Variants in SCUBE3 observed in about 807,000 individuals in gnomAD.
SCUBE3 encodes the protein signal peptide, CUB domain and EGF like domain containing 3.
A neutral mutation model predicts 116.8 loss-of-function variants in SCUBE3; 33 were observed. The ratio of observed to expected loss-of-function variants is 0.28; its 90% confidence interval spans 0.21 to 0.38. The LOEUF (loss-of-function observed/expected upper bound fraction) is 0.38, where lower values mean the gene tolerates loss of function less well. Among genes scored for constraint, SCUBE3 ranks in the 10% least tolerant of loss-of-function variants. The pLI, the probability that SCUBE3 is intolerant of heterozygous loss-of-function variation, is 1.00. For synonymous variants in SCUBE3, 418 were observed against 496.9 expected (o/e 0.84, Z 2.11); for missense variants, 1,007 against 1,324.8 (o/e 0.76, Z 3.72).
chr6:35,232,751 A>C lies in SCUBE3; in HGVS notation c.470-99A>C. 8.2e-7 allele frequency: 1 copy of C among 1,225,174 alleles called. No homozygotes were observed. Among genetic ancestry groups the C allele is most frequent in the Non-Finnish European group, 1.2e-6 (1 of 847,268 alleles). The allele number at this position is 1,225,174 out of a possible 1,614,324, so 75.9% of individuals were successfully genotyped here. A position where few individuals can be genotyped will look rare whatever the true frequency, so the allele number is the denominator to read the frequency against. Reference sequence around the variant, plus strand: ...CTCGTGTTGAATTCAACCTCAGTAGAATTCTCCCAGTTCCCTAGGTCCCCA... The same window carrying C: ...CTCGTGTTGAATTCAACCTCAGTAGCATTCTCCCAGTTCCCTAGGTCCCCA... On this transcript the variant is annotated intron_variant, in intron 4 of 21. Coordinates refer to ENST00000274938, the MANE Select transcript of SCUBE3 (RefSeq NM_152753.4). The surrounding 1 kb of genome is among the most constrained non-coding windows in gnomAD (Gnocchi z 4.2).
intron 6 of SCUBE3, among the ~76,000 whole-genome samples, chr6:35,236,324 T>C (rs950841402): frequency 3.3e-5 from 5 of 152,242 alleles, no homozygotes; most frequent in African/African-American, 1.2e-4. Flanking sequence ...CAGCCTGGGA[T>C]GGACATTGTG....
In SCUBE3 at chr6:35,233,026, T is replaced by TA; in HGVS notation, c.595+52dup. 2 of 1,604,252 alleles carry TA rather than the reference T, an allele frequency of 1.2e-6. No homozygotes were observed. The highest frequency in any genetic ancestry group is 1.7e-6 in the Non-Finnish European group (2 of 1,173,098). ...GGCAGTGGGGTCGGGGGTGAAAACA[T>TA]AGAGGAAGGGTATAGGGCTTCAGGA... is the stretch of plus-strand genomic sequence containing the variant. On this transcript the variant is annotated intron_variant, in intron 5 of 21. Coordinates refer to ENST00000274938, the MANE Select transcript of SCUBE3 (RefSeq NM_152753.4). This position sits in a 1 kb window ranked among gnomAD's most constrained non-coding sequence, Gnocchi z 5.7.
At position 35,214,546 on chromosome 6, in the gene SCUBE3, C is replaced by T. The variant is rs1782810478; in HGVS notation, c.85+43C>T. 3 of 1,318,544 alleles carry T rather than the reference C, an allele frequency of 2.3e-6. No individual in the cohort carries two copies. Among genetic ancestry groups the T allele is most frequent in the African/African-American group, 1.5e-5 (1 of 65,712 alleles). 81.7% of individuals were successfully genotyped at this position (1,318,544 alleles called of 1,614,324 possible). A position where few individuals can be genotyped will look rare whatever the true frequency, so the allele number is the denominator to read the frequency against. ...CGCGGCCTGGGGGCTGTCCTGGCTG[C>T]TGGGCCTCAGGGCCTAGGAGCGATT... On this transcript the variant is annotated intron_variant, in intron 1 of 21. Coordinates refer to ENST00000274938, the MANE Select transcript of SCUBE3 (RefSeq NM_152753.4). The surrounding 1 kb of genome is among the most constrained non-coding windows in gnomAD (Gnocchi z 6.3).
rs1186101222 is a variant in SCUBE3 at position 35,245,533 on chromosome 6, AT to A, written c.2599+109del. 3.3e-6 allele frequency: 3 copies of A among 908,094 alleles called. No individual in the cohort carries two copies. Among genetic ancestry groups the A allele is most frequent in the Non-Finnish European group, 5.3e-6 (3 of 568,014 alleles). 56.3% of individuals were successfully genotyped at this position (908,094 alleles called of 1,614,324 possible). On this transcript the variant is annotated intron_variant, in intron 19 of 21. Transcript: ENST00000274938. The surrounding 1 kb of genome is among the most constrained non-coding windows in gnomAD (Gnocchi z 4.2). ...AAGAAATGGGGCAGTGAAGTTAGGG[AT>A]CTATGAGGGTGAAATAGTGAGAGGC...
rs1455094217 is a variant in SCUBE3 at position 35,243,976 on chromosome 6, T to A, written c.2085T>A (p.Pro695=). 6.2e-7 allele frequency: 1 copy of A among 1,613,908 alleles called. No individual in the cohort carries two copies. The highest frequency in any genetic ancestry group is 1.7e-5 in the Admixed American group (1 of 59,992). ...NVTTCAGQCP[P]GQHSVDGFKP... ...GATTCATTGCAGGTCAGTGCCCACC[T>A]GGCCAACACTCTGTAGATGGGTTCA... Residue 695 remains proline, a synonymous_variant, in exon 17 of 22, where the codon CCT becomes CCA. Transcript: ENST00000274938. This position sits in a 1 kb window ranked among gnomAD's most constrained non-coding sequence, Gnocchi z 6.6.
In SCUBE3 at chr6:35,243,672, G is replaced by A. The variant is rs776137845; in HGVS notation, c.1988G>A (p.Arg663Lys). Residue 663 changes from arginine (R) to lysine (K), a missense_variant, in exon 16 of 22, where the codon AGA becomes AAA. Arg to Lys is a conservative substitution (Grantham distance 26, BLOSUM62 2). Coordinates refer to ENST00000274938, the MANE Select transcript of SCUBE3 (RefSeq NM_152753.4). The surrounding 1 kb of genome is among the most constrained non-coding windows in gnomAD (Gnocchi z 6.6). ...VPCPAGTFQEREGQLSCDLCP... is the reference protein window; with the variant it reads ...VPCPAGTFQEKEGQLSCDLCP... ...TGCCCAGCGGGCACCTTCCAGGAGA[G>A]AGAAGGGCAGCTCTCCTGCGACCTT... 1 of 1,614,108 alleles carries A rather than the reference G, an allele frequency of 6.2e-7. No homozygotes were observed. The highest frequency in any genetic ancestry group is 1.3e-5 in the African/African-American group (1 of 75,038).
At chr6:35,227,789 C>T in intron 2 of SCUBE3, 87 bp downstream of exon 2, 1 of 1,366,622 alleles carries the variant, frequency 7.3e-7, no homozygotes, top group Non-Finnish European at 1.0e-6. Context: ...CTCTCCATCA[C>T]ATCAAGGCTA....
intron 1 of SCUBE3, chr6:35,222,024 C>T (rs1481023619): frequency 2.0e-5 from 3 of 152,240 alleles, no homozygotes; most frequent in African/African-American, 4.8e-5. Flanking sequence ...CTGAGGATGT[C>T]ACAGCTATGT....
At position 35,243,641 on chromosome 6, in the gene SCUBE3, G is replaced by T. The variant is rs769334646; in HGVS notation, c.1957G>T (p.Val653Leu). Residue 653 changes from valine to leucine, a missense_variant, in exon 16 of 22, where the codon GTG (valine) becomes TTG (leucine). Transcript: ENST00000274938. The surrounding 1 kb of genome is among the most constrained non-coding windows in gnomAD (Gnocchi z 6.6). ...TTACCACGGCCAGACGGAGCAGTGT[G>T]TGCCATGCCCAGCGGGCACCTTCCA... Reference protein sequence around the residue: ...TYYHGQTEQCVPCPAGTFQER... With the variant: ...TYYHGQTEQCLPCPAGTFQER... The T allele has an allele frequency of 6.2e-7, 1 of 1,614,042 alleles. No homozygotes were observed. The highest frequency in any genetic ancestry group is 8.5e-7 in the Non-Finnish European group (1 of 1,180,018).
chr6:35,231,614 C>A lies in SCUBE3; in HGVS notation c.335-111C>A. On this transcript the variant is annotated intron_variant, in intron 3 of 21. Coordinates refer to ENST00000274938, the MANE Select transcript of SCUBE3 (RefSeq NM_152753.4). The surrounding 1 kb of genome is among the most constrained non-coding windows in gnomAD (Gnocchi z 4.2). The stretch of plus-strand genomic sequence containing the variant: ...GGTGTGAGGACTTCCTGGCTTAAGG[C>A]TGGGCTTAGGGGGTAGTAGTTCTTA... 2 of 907,670 alleles carry A rather than the reference C, an allele frequency of 2.2e-6. No individual in the cohort carries two copies. Among genetic ancestry groups the A allele is most frequent in the Non-Finnish European group, 3.1e-6 (2 of 635,730 alleles). The allele number at this position is 907,670 out of a possible 1,614,324, so 56.2% of individuals were successfully genotyped here.
rs1784214341 is a variant in SCUBE3 at position 35,244,000 on chromosome 6, C to T, written c.2109C>T (p.Phe703=). The T allele has an allele frequency of 6.2e-7, 1 of 1,614,098 alleles. No homozygotes were observed. The highest frequency in any genetic ancestry group is 1.3e-5 in the African/African-American group (1 of 75,028). Residue 703 remains phenylalanine, a synonymous_variant, in exon 17 of 22, where the codon TTC becomes TTT. Coordinates refer to ENST00000274938, the MANE Select transcript of SCUBE3 (RefSeq NM_152753.4). This position sits in a 1 kb window ranked among gnomAD's most constrained non-coding sequence, Gnocchi z 6.6. ...CTGGCCAACACTCTGTAGATGGGTT[C>T]AAGCCCTGTCAGCCATGCCCACGTG... ...CPPGQHSVDG[F]KPCQPCPRGT... is the part of the protein sequence containing the mutation.
rs1014007263 is a variant in SCUBE3 at position 35,219,464 on chromosome 6, C to T, written c.85+4961C>T. 1.2e-4 allele frequency among the ~76,000 whole-genome samples: 19 copies of T among 152,154 alleles called. No homozygotes were observed. The highest frequency in any genetic ancestry group is 4.3e-4 in the African/African-American group (18 of 41,420). On this transcript the variant is annotated intron_variant, in intron 1 of 21. Coordinates refer to ENST00000274938, the MANE Select transcript of SCUBE3 (RefSeq NM_152753.4). This position sits in a 1 kb window ranked among gnomAD's most constrained non-coding sequence, Gnocchi z 4.7. ...GGGATGATGACCCCTATATAGGGCA[C>T]AGTGGTCCTTGCTCTTACCTCTGGT...
At position 35,243,778 on chromosome 6, in the gene SCUBE3, A is replaced by G. The variant is rs1784199703; in HGVS notation, c.2071+23A>G. Reference sequence around the variant, plus strand: ...CAGGTGCCAGGGGAACAAACAATACAGAGTGGGGTAGGGTGGGCACTGGGA... The same window carrying G: ...CAGGTGCCAGGGGAACAAACAATACGGAGTGGGGTAGGGTGGGCACTGGGA... On this transcript the variant is annotated intron_variant, in intron 16 of 21. Transcript: ENST00000274938. This position sits in a 1 kb window ranked among gnomAD's most constrained non-coding sequence, Gnocchi z 6.6. 4 of 1,606,414 alleles carry G rather than the reference A, an allele frequency of 2.5e-6. No individual in the cohort carries two copies. The highest frequency in any genetic ancestry group is 2.2e-5 in the South Asian group (2 of 90,742).
intron 1 of SCUBE3, among the ~76,000 whole-genome samples, chr6:35,216,270 A>G (rs1220053904): frequency 1.3e-5 from 2 of 152,202 alleles, no homozygotes; most frequent in Non-Finnish European, 2.9e-5. Context: ...CAGGGCTTCC[A>G]CTTTCATTGG....
intron 1 of SCUBE3, among the ~76,000 whole-genome samples, chr6:35,226,772 C>T (rs1783346103): frequency 6.6e-6 from 1 of 152,182 alleles, no homozygotes; most frequent in Non-Finnish European, 1.5e-5. Flanking sequence ...GCCACCGCGC[C>T]TGGCATCATC....
Position 35,242,186 on chromosome 6 carries a change from T to G in SCUBE3, c.1418-18T>G. On this transcript the variant is annotated intron_variant, in intron 12 of 21. Transcript: ENST00000274938. ...CATGGGCATCCCATACTGTGCTGAG[T>G]TTCTACCATCCCTCTAGAGGCTGCA... 6.3e-7 allele frequency: 1 copy of G among 1,580,426 alleles called. No individual in the cohort carries two copies. Among genetic ancestry groups the G allele is most frequent in the Non-Finnish European group, 8.7e-7 (1 of 1,149,616 alleles).
chr6:35,247,192 T>TG (rs893806960), intron 21 of SCUBE3, among the ~76,000 whole-genome samples: 1 of 152,040 alleles, frequency 6.6e-6, no homozygotes, highest in Admixed American at 6.6e-5. Context: ...CCCAGCACTT[T>TG]GGGGGGCTGA....
At position 35,239,603 on chromosome 6, in the gene SCUBE3, A is replaced by C. The variant is rs1783943252; in HGVS notation, c.830-149A>C. ...AAGAGAGAGAGAGACAGGAAAGAGA[A>C]AGAGAAAGAGACAGAGAGAGATCAA... On this transcript the variant is annotated intron_variant, in intron 7 of 21. Coordinates refer to ENST00000274938, the MANE Select transcript of SCUBE3 (RefSeq NM_152753.4). This position sits in a 1 kb window ranked among gnomAD's most constrained non-coding sequence, Gnocchi z 4.1. 2.9e-6 allele frequency: 2 copies of C among 684,582 alleles called. No homozygotes were observed. The highest frequency in any genetic ancestry group is 4.9e-6 in the Non-Finnish European group (2 of 405,370). The allele number at this position is 684,582 out of a possible 1,614,324, so 42.4% of individuals were successfully genotyped here. A position where few individuals can be genotyped will look rare whatever the true frequency, so the allele number is the denominator to read the frequency against.
rs578014053 is a variant in SCUBE3 at position 35,214,016 on chromosome 6, C to T, written c.-403C>T. Reference sequence around the variant, plus strand: ...TTTCTGGCGCTGCGTTTCCCCTCCCCTTTCTCAGGTCCTTCGCTCGGGCTC... The same window carrying T: ...TTTCTGGCGCTGCGTTTCCCCTCCCTTTTCTCAGGTCCTTCGCTCGGGCTC... On this transcript the variant is annotated 5_prime_UTR_variant, in exon 1 of 22. Transcript: ENST00000274938. The surrounding 1 kb of genome is among the most constrained non-coding windows in gnomAD (Gnocchi z 6.3). Among the ~76,000 whole-genome samples, 1 of 152,322 alleles carries T rather than the reference C, an allele frequency of 6.6e-6. No individual in the cohort carries two copies. The highest frequency in any genetic ancestry group is 2.4e-5 in the African/African-American group (1 of 41,584).
Sources: gnomAD v4.1 joint callset for allele counts (sites outside exome capture counted in the v4.1 genomes callset) on GRCh38, gnomAD v4.1.1 for gene constraint, Gnocchi (gnomAD v3.1) non-coding constraint, MANE v1.5 for transcripts, NCBI Gene and HGNC (gene_info 2026-07-23, HGNC 2026-07-21) for gene names.